CD99L2: variants seen among roughly 807,000 people sequenced by gnomAD.
The protein encoded by CD99L2 is CD99 antigen-like protein 2.
In CD99L2, 24 loss-of-function variants were observed where a neutral mutation model predicts 27.3. The ratio of observed to expected loss-of-function variants is 0.88; its 90% confidence interval spans 0.64 to 1.24. The LOEUF is 1.24. Among genes scored for constraint, CD99L2 ranks in the 50% most tolerant of loss-of-function variants. The pLI is 0.00. For synonymous variants in CD99L2, 97 were observed against 87.9 expected (o/e 1.10, Z -0.58); for missense variants, 255 against 221.6 (o/e 1.15, Z -0.96).
intron 7 of CD99L2, among the ~76,000 whole-genome samples, chrX:150,784,686 G>C (rs1221100416): frequency 8.9e-6 from 1 of 112,728 alleles, no homozygotes; most frequent in Admixed American, 9.4e-5. Context: ...CCAATCAAAA[G>C]TATCACTCTA....
chrX:150,883,188 TCAAAAA>T (rs1322423787), intron 1 of CD99L2, among the ~76,000 whole-genome samples: 4 of 110,945 alleles, frequency 3.6e-5, no homozygotes, highest in East Asian at 2.8e-4. Flanking sequence ...AAACTCCATC[TCAAAAA>T]CAAAAACAAA....
intron 10 of CD99L2, among the ~76,000 whole-genome samples, chrX:150,769,584 TGAGC>T (rs2043377776): frequency 8.9e-6 from 1 of 112,393 alleles, no homozygotes; most frequent in Admixed American, 9.4e-5. Flanking sequence ...CCACACAGGC[TGAGC>T]CCCTCCTGGT....
At chrX:150,801,777 T>G (rs1374055618) in intron 4 of CD99L2, among the ~76,000 whole-genome samples, 2 of 111,670 alleles carry the variant, frequency 1.8e-5, no homozygotes, top group Non-Finnish European at 3.8e-5. Flanking sequence ...TACTTGAAAA[T>G]CAACGTAATC....
At chrX:150,772,491 T>C (rs1051921720) in intron 9 of CD99L2, among the ~76,000 whole-genome samples, 7 of 111,888 alleles carry the variant, frequency 6.3e-5, no homozygotes, top group African/African-American at 2.3e-4. Flanking sequence ...CTGGGAAGCC[T>C]ATGGAGGGGA....
At chrX:150,777,352 C>A in intron 8 of CD99L2, 92 bp downstream of exon 8, 1 of 1,089,029 alleles carries the variant, frequency 9.2e-7, no homozygotes, top group Non-Finnish European at 1.3e-6. Context: ...CAGTTTCTAG[C>A]TTGACTTTTC....
intron 7 of CD99L2, among the ~76,000 whole-genome samples, chrX:150,784,675 G>A (rs1178898577): frequency 8.9e-6 from 1 of 112,468 alleles, no homozygotes; most frequent in African/African-American, 3.2e-5. Flanking sequence ...CCCTGGCTTC[G>A]CCAATCAAAA....
At chrX:150,824,616 GAGA>G (rs1263598155) in intron 2 of CD99L2, among the ~76,000 whole-genome samples, 17 of 96,553 alleles carry the variant, frequency 1.8e-4, no homozygotes, top group African/African-American at 3.9e-4. Flanking sequence ...GAAGAAGAAG[GAGA>G]AGAAGGAGGA....
chrX:150,852,103 G>C (rs1342117011), intron 1 of CD99L2, among the ~76,000 whole-genome samples: 2 of 112,019 alleles, frequency 1.8e-5, no homozygotes, highest in African/African-American at 6.5e-5. Context: ...CATTACTCCA[G>C]AGTGAAAATC....
chrX:150,898,576 G>C lies in CD99L2; in HGVS notation c.13C>G (p.Arg5Gly). 1 of 1,113,828 alleles carries C rather than the reference G, an allele frequency of 9.0e-7. No homozygotes were observed. Among genetic ancestry groups the C allele is most frequent in the Non-Finnish European group, 1.2e-6 (1 of 849,423 alleles). The allele number at this position is 1,113,828 out of a possible 1,213,427, so 91.8% of individuals were successfully genotyped here. ...GCGAGGCAGACAAGGAACGCCGAGC[G>C]CCAGGCCACCATGGCTGGGAGCAGG... MVAW[R>G]SAFLVCLAFS... Residue 5 changes from arginine (R) to glycine (G), a missense_variant, in exon 1 of 11, where the codon CGC becomes GGC. Physicochemically the swap from Arg to Gly is moderately radical, Grantham distance 125. Coordinates refer to ENST00000370377, the MANE Select transcript of CD99L2 (RefSeq NM_031462.4).
At chrX:150,803,532 A>T (rs1158709849) in intron 4 of CD99L2, among the ~76,000 whole-genome samples, 1 of 112,176 alleles carries the variant, frequency 8.9e-6, no homozygotes, top group Non-Finnish European at 1.9e-5. Flanking sequence ...CCAATATTAA[A>T]GCTGAATTTA....
At chrX:150,863,786 A>C (rs984269929) in intron 1 of CD99L2, among the ~76,000 whole-genome samples, 11 of 112,184 alleles carry the variant, frequency 9.8e-5, no homozygotes, top group Non-Finnish European at 1.9e-5. Flanking sequence ...GTGGGCCCTA[A>C]TCCAACAAGA....
At chrX:150,802,876 C>CGGCTAGAAAAGA (rs2045936631) in intron 4 of CD99L2, among the ~76,000 whole-genome samples, 4 of 80,119 alleles carry the variant, frequency 5.0e-5, no homozygotes, top group East Asian at 4.1e-4. Context: ...CCACCGTGCC[C>CGGCTAGAAAAGA]AGCCTTTTTT....
At chrX:150,854,201 G>A (rs782237141) in intron 1 of CD99L2, among the ~76,000 whole-genome samples, 2 of 111,250 alleles carry the variant, frequency 1.8e-5, no homozygotes, top group South Asian at 7.7e-4. Context: ...TTCAACTTTC[G>A]CTCTACTCGT....
intron 2 of CD99L2, among the ~76,000 whole-genome samples, chrX:150,830,091 G>A (rs1388517881): frequency 9.1e-6 from 1 of 110,084 alleles, no homozygotes; most frequent in African/African-American, 3.3e-5. Context: ...GGAGGGGGAG[G>A]TTGCAGTGAG....
chrX:150,824,141 AGAAGAAG>A (rs2046290378), intron 2 of CD99L2, among the ~76,000 whole-genome samples: 1 of 60,608 alleles, frequency 1.6e-5, no homozygotes, highest in Non-Finnish European at 3.0e-5. Context: ...GAGGAGGAGG[AGAAGAAG>A]GAAGGAGGAG....
At chrX:150,822,188 T>C (rs1350225973) in intron 2 of CD99L2, among the ~76,000 whole-genome samples, 1 of 112,023 alleles carries the variant, frequency 8.9e-6, no homozygotes, top group Non-Finnish European at 1.9e-5. Flanking sequence ...TACTTAGCCA[T>C]AAAAAGGAAT....
intron 1 of CD99L2, among the ~76,000 whole-genome samples, chrX:150,838,230 C>T (rs1182096826): frequency 1.8e-5 from 2 of 111,972 alleles, no homozygotes; most frequent in Non-Finnish European, 3.8e-5. Flanking sequence ...TTTGAGAAAC[C>T]GGCATAGCCT....
intron 1 of CD99L2, among the ~76,000 whole-genome samples, chrX:150,881,612 A>G (rs1717740998): frequency 8.9e-6 from 1 of 112,292 alleles, no homozygotes; most frequent in Non-Finnish European, 1.9e-5. Flanking sequence ...GGAACTGACC[A>G]GGAATGGTGA....
chrX:150,896,864 T>G (rs958978729), intron 1 of CD99L2, among the ~76,000 whole-genome samples: 35 of 112,308 alleles, frequency 3.1e-4, no homozygotes, highest in Non-Finnish European at 4.7e-4. Flanking sequence ...GCAAGTTACT[T>G]CACCTCTCTG....
Sources: gnomAD v4.1 joint callset for allele counts (sites outside exome capture counted in the v4.1 genomes callset) on GRCh38, gnomAD v4.1.1 for gene constraint, MANE v1.5 for transcripts, NCBI Gene and HGNC (gene_info 2026-07-23, HGNC 2026-07-21) for gene names.